Variants in IL37 observed in about 807,000 individuals in gnomAD.
IL37 encodes the protein interleukin 37, also known as interleukin-37.
Under a neutral mutation model 15.4 loss-of-function variants are expected in IL37, and 15 were observed. That is an observed-to-expected ratio of 0.98 (90% CI 0.65 to 1.50). The LOEUF (loss-of-function observed/expected upper bound fraction) is 1.50. Ranked by LOEUF, IL37 falls within the 40% of genes most tolerant of loss-of-function variation. The pLI is 0.00. For synonymous variants in IL37, 98 were observed against 97.4 expected (o/e 1.01, Z -0.03); for missense variants, 269 against 261.7 (o/e 1.03, Z -0.19).
chr2:112,913,819 G>C lies in IL37; in HGVS notation c.110G>C (p.Gly37Ala), dbSNP rs770519163. The C allele has an allele frequency of 9.3e-6, 15 of 1,613,560 alleles. No homozygotes were observed. Among genetic ancestry groups the C allele is most frequent in the Admixed American group, 1.7e-5 (1 of 59,992 alleles). ...CCGGCTGGAAGCCCCCTGGAACCAG[G>C]CCCAAGCCTCCCCACCATGAATTTT... is the stretch of plus-strand genomic sequence containing the variant. ...EDPAGSPLEP[G>A]PSLPTMNFVH... Residue 37 changes from glycine to alanine, a missense_variant, in exon 3 of 6, where the codon GGC becomes GCC. Coordinates refer to ENST00000263326, the MANE Select transcript of IL37 (RefSeq NM_014439.4).
intron 2 of IL37, 38 bp from the exon 3 acceptor site, chr2:112,913,754 C>A: frequency 6.3e-7 from 1 of 1,578,220 alleles, no homozygotes; most frequent in Non-Finnish European, 8.7e-7. Context: ...TTGGAAAATC[C>A]GAATTGCATA....
intron 5 of IL37, 125 bp from the exon 6 acceptor site, chr2:112,918,436 C>A: frequency 9.0e-7 from 1 of 1,113,660 alleles, no homozygotes; most frequent in African/African-American, 1.6e-5. Flanking sequence ...TCATCTTTCC[C>A]AAGGACCATC....
rs747692110 is a variant in IL37 at position 112,918,549 on chromosome 2, T to C, written c.409-12T>C. ...AGCCTGTGCTATCTAATTAATCCCT[T>C]TTACCTCACAGAAGGAGAAACTGAT... On this transcript the variant is annotated splice_polypyrimidine_tract_variant and intron_variant, in intron 5 of 5. Transcript: ENST00000263326. The C allele has an allele frequency of 6.8e-6, 11 of 1,607,034 alleles. No homozygotes were observed. The African/African-American group carries it at 8.0e-5, about 12-fold the overall frequency.
intron 3 of IL37, among the ~76,000 whole-genome samples, chr2:112,914,417 G>A (rs1378772334): frequency 6.6e-6 from 1 of 152,166 alleles, no homozygotes; most frequent in African/African-American, 2.4e-5. Flanking sequence ...GTACTATAAC[G>A]TCTGTCTGCC....
chr2:112,917,202 C>G lies in IL37; in HGVS notation c.219C>G (p.Asp73Glu). The G allele has an allele frequency of 6.2e-7, 1 of 1,614,138 alleles. No homozygotes were observed. Among genetic ancestry groups the G allele is most frequent in the Non-Finnish European group, 8.5e-7 (1 of 1,179,980 alleles). The change falls in exon 4 of 6, where the codon GAC (aspartate) becomes GAG (glutamate). Residue 73 changes from aspartate (D) to glutamate (E), a missense_variant. Physicochemically the swap from Asp to Glu is conservative, Grantham distance 45. Coordinates refer to ENST00000263326, the MANE Select transcript of IL37 (RefSeq NM_014439.4). ...HDQDHKVLVL[D>E]SGNLIAVPDK... ...AGGATCACAAAGTACTGGTCCTGGA[C>G]TCTGGGAATCTCATAGCAGTTCCAG...
chr2:112,913,840 AT>A lies in IL37; in HGVS notation c.135del (p.Phe45LeufsTer8). The A allele has an allele frequency of 6.2e-7, 1 of 1,613,350 alleles. No individual in the cohort carries two copies. Among genetic ancestry groups the A allele is most frequent in the Non-Finnish European group, 8.5e-7 (1 of 1,179,502 alleles). Reference sequence around the variant, plus strand: ...CCAGGCCCAAGCCTCCCCACCATGAATTTTGTTCACACAAGTAAGGCCTCGG... The same window carrying A: ...CCAGGCCCAAGCCTCCCCACCATGAATTTGTTCACACAAGTAAGGCCTCGG... ...LEPGPSLPTM[N>X]FVHTSPKVKN... On this transcript the variant is annotated frameshift_variant, in exon 3 of 6. Transcript: ENST00000263326. LOFTEE classifies it high-confidence loss of function.
rs536191651 is a variant in IL37 at position 112,913,363 on chromosome 2, G to T, written c.82+269G>T. On this transcript the variant is annotated intron_variant, in intron 2 of 5. Transcript: ENST00000263326. ...TAGCATCCTGTTTGCCAACTGGATG[G>T]TTGCATATGCTTCAAAATGCACCTC... Among the ~76,000 whole-genome samples the T allele has an allele frequency of 9.2e-5, 14 of 152,310 alleles. 1 individual carries two copies. In the South Asian group the frequency reaches 2.5e-3, roughly 27 times the overall value.
rs376264964 is a variant in IL37 at position 112,917,188 on chromosome 2, G to A, written c.205G>A (p.Val69Ile). 8.7e-6 allele frequency: 14 copies of A among 1,613,578 alleles called. No individual in the cohort carries two copies. The highest frequency in any genetic ancestry group is 3.3e-4 in the Middle Eastern group (2 of 6,082). The change falls in exon 4 of 6, where the codon GTA (valine) becomes ATA (isoleucine). Residue 69 changes from valine (V) to isoleucine (I), a missense_variant. Transcript: ENST00000263326. ...CAGCATTCATGACCAGGATCACAAA[G>A]TACTGGTCCTGGACTCTGGGAATCT... is the stretch of plus-strand genomic sequence containing the variant. ...KFSIHDQDHKVLVLDSGNLIA... is the reference protein window; with the variant it reads ...KFSIHDQDHKILVLDSGNLIA...
intron 3 of IL37, among the ~76,000 whole-genome samples, chr2:112,914,740 C>T (rs533135094): frequency 2.6e-5 from 4 of 152,340 alleles, no homozygotes; most frequent in Admixed American, 6.5e-5. Flanking sequence ...CTCTGTCGGG[C>T]CTGTCCTGAC....
Position 112,917,031 on chromosome 2 carries a change from G to T in IL37, c.146-98G>T, listed in dbSNP as rs889395378. On this transcript the variant is annotated intron_variant, in intron 3 of 5. Transcript: ENST00000263326. Reference sequence around the variant, plus strand: ...CTGTGATGTCTGAGCCCACAGGCAGGGTGGAGAGCTAGGGCTGGGGCCCTT... The same window carrying T: ...CTGTGATGTCTGAGCCCACAGGCAGTGTGGAGAGCTAGGGCTGGGGCCCTT... 15 of 1,360,094 alleles carry T rather than the reference G, an allele frequency of 1.1e-5. No individual in the cohort carries two copies. In the African/African-American group the frequency reaches 1.7e-4, roughly 16 times the overall value. The allele number at this position is 1,360,094 out of a possible 1,614,324, so 84.3% of individuals were successfully genotyped here.
At chr2:112,911,723 C>G (rs1683182298) in intron 1 of IL37, among the ~76,000 whole-genome samples, 1 of 152,164 alleles carries the variant, frequency 6.6e-6, no homozygotes, top group South Asian at 2.1e-4. Flanking sequence ...GGTCCTCCAG[C>G]CTGTGAGCAT....
At chr2:112,913,652 A>G in intron 2 of IL37, 140 bp from the exon 3 acceptor site, 2 of 712,952 alleles carry the variant, frequency 2.8e-6, no homozygotes, top group Non-Finnish European at 4.9e-6. Context: ...GAGGGAAGCT[A>G]TGATTTAATG....
chr2:112,911,821 G>A (rs1683184666), intron 1 of IL37, among the ~76,000 whole-genome samples: 1 of 152,214 alleles, frequency 6.6e-6, no homozygotes, highest in East Asian at 1.9e-4. Flanking sequence ...TGATGTTCTG[G>A]CTGCCAAATT....
chr2:112,917,172 T>G lies in IL37; in HGVS notation c.189T>G (p.His63Gln). The G allele has an allele frequency of 6.2e-7, 1 of 1,614,036 alleles. No homozygotes were observed. Among genetic ancestry groups the G allele is most frequent in the East Asian group, 2.2e-5 (1 of 44,892 alleles). Reference protein sequence around the residue: ...KNLNPKKFSIHDQDHKVLVLD... With the variant: ...KNLNPKKFSIQDQDHKVLVLD... The stretch of plus-strand genomic sequence containing the variant: ...TAAACCCGAAGAAATTCAGCATTCA[T>G]GACCAGGATCACAAAGTACTGGTCC... The change falls in exon 4 of 6, where the codon CAT becomes CAG. Residue 63 changes from histidine (H) to glutamine (Q), a missense_variant. His to Gln is a conservative substitution (Grantham distance 24, BLOSUM62 0). Coordinates refer to ENST00000263326, the MANE Select transcript of IL37 (RefSeq NM_014439.4).
In IL37 at chr2:112,917,648, A is replaced by G. The variant is rs759109751; in HGVS notation, c.279A>G (p.Ala93=). Residue 93 remains alanine (A), a synonymous_variant, in exon 5 of 6, where the codon GCA becomes GCG. Transcript: ENST00000263326. ...GTCTTTTTCCAGAGATCTTCTTTGC[A>G]TTAGCCTCATCCTTGAGCTCAGCCT... is the stretch of plus-strand genomic sequence containing the variant. ...KNYIRPEIFF[A]LASSLSSASA... 2.3e-5 allele frequency: 37 copies of G among 1,588,554 alleles called. No individual in the cohort carries two copies. The highest frequency in any genetic ancestry group is 5.8e-5 in the South Asian group (5 of 86,822).
At chr2:112,913,671 A>G (rs950551737) in intron 2 of IL37, 121 bp from the exon 3 acceptor site, 8 of 754,222 alleles carry the variant, frequency 1.1e-5, no homozygotes, top group Admixed American at 8.7e-5. Flanking sequence ...TGTCATTACT[A>G]TCATGCTGCT....
intron 1 of IL37, 23 bp from the exon 2 acceptor site, chr2:112,912,940 T>C: frequency 2.7e-6 from 3 of 1,102,124 alleles, no homozygotes; most frequent in South Asian, 1.4e-5. Flanking sequence ...ATGCCATAAC[T>C]GGTCCCCTTT....
At position 112,917,637 on chromosome 2, in the gene IL37, ATCT is replaced by A. The variant is rs751390586; in HGVS notation, c.273_275del (p.Phe92del). The A allele has an allele frequency of 3.8e-5, 59 of 1,564,052 alleles. No individual in the cohort carries two copies. Among genetic ancestry groups the A allele is most frequent in the Middle Eastern group, 1.9e-4 (1 of 5,364 alleles). Reference sequence around the variant, plus strand: ...ATGTTCTGACTGTCTTTTTCCAGAGATCTTCTTTGCATTAGCCTCATCCTTGAG... The same window carrying A: ...ATGTTCTGACTGTCTTTTTCCAGAGATCTTTGCATTAGCCTCATCCTTGAG... On this transcript the variant is annotated inframe_deletion, in exon 5 of 6. Transcript: ENST00000263326.
At chr2:112,916,713 T>C (rs1249546197) in intron 3 of IL37, among the ~76,000 whole-genome samples, 1 of 152,236 alleles carries the variant, frequency 6.6e-6, no homozygotes, top group African/African-American at 2.4e-5. Flanking sequence ...ACAATGATTA[T>C]AAAAAGTCCT....
Sources: allele counts gnomAD v4.1 joint callset (sites outside exome capture counted in the v4.1 genomes callset), GRCh38; gene constraint gnomAD v4.1.1; transcripts MANE v1.5; gene names NCBI Gene and HGNC (gene_info 2026-07-23, HGNC 2026-07-21).